Variants in CDADC1 observed in about 807,000 individuals in gnomAD.
CDADC1 encodes dCTP deaminase.
Under a neutral mutation model 54.9 loss-of-function variants are expected in CDADC1, and 39 were observed. The observed-to-expected ratio is 0.71, with a 90% CI of 0.55 to 0.93. The LOEUF is 0.93. CDADC1 is among the 40% of genes least tolerant of loss of function. CDADC1 has a pLI of 0.00. For missense variants in CDADC1, 518 were observed against 618.8 expected, an observed-to-expected ratio of 0.84 and a Z score of 1.73; for synonymous variants, 186 against 204.0, an observed-to-expected ratio of 0.91 and a Z score of 0.75.
chr13:49,277,352 T>C (rs868539228), intron 6 of CDADC1, among the ~76,000 whole-genome samples: 1 of 151,784 alleles, frequency 6.6e-6, no homozygotes, highest in South Asian at 2.1e-4. Flanking sequence ...ACGCCTGTGG[T>C]CCCAGCTACT....
At chr13:49,250,004 T>C (rs979379582) in intron 2 of CDADC1, among the ~76,000 whole-genome samples, 1 of 152,202 alleles carries the variant, frequency 6.6e-6, no homozygotes, top group African/African-American at 2.4e-5. Flanking sequence ...TTTAAGACTT[T>C]TTTTAAAACA....
intron 8 of CDADC1, among the ~76,000 whole-genome samples, chr13:49,284,716 C>G (rs917289170): frequency 6.6e-6 from 1 of 152,222 alleles, no homozygotes; most frequent in African/African-American, 2.4e-5. Context: ...TCCTCCCTTT[C>G]CAGGGACTTT....
At chr13:49,253,344 T>C (rs1471222228) in intron 2 of CDADC1, among the ~76,000 whole-genome samples, 2 of 152,240 alleles carry the variant, frequency 1.3e-5, no homozygotes, top group Non-Finnish European at 2.9e-5. Flanking sequence ...CTTTCTTTAC[T>C]TACATGAGAT....
At chr13:49,277,326 C>T (rs1459207765) in intron 6 of CDADC1, among the ~76,000 whole-genome samples, 1 of 151,772 alleles carries the variant, frequency 6.6e-6, no homozygotes, top group Non-Finnish European at 1.5e-5. Flanking sequence ...AAAAAATTAG[C>T]CAGGCATAGT....
intron 2 of CDADC1, among the ~76,000 whole-genome samples, chr13:49,255,505 C>T (rs1952522646): frequency 6.6e-6 from 1 of 152,210 alleles, no homozygotes; most frequent in Non-Finnish European, 1.5e-5. Context: ...TACCTCTATT[C>T]CACTTTAGTC....
At chr13:49,258,958 A>C (rs1952609179) in intron 3 of CDADC1, among the ~76,000 whole-genome samples, 1 of 152,270 alleles carries the variant, frequency 6.6e-6, no homozygotes, top group East Asian at 1.9e-4. Flanking sequence ...ATCCATGTGT[A>C]AAATCAGGGC....
At position 49,291,169 on chromosome 13, in the gene CDADC1, G is replaced by GTT. The variant is rs1491550723; in HGVS notation, c.1472-515_1472-514insTT. On this transcript the variant is annotated intron_variant, in intron 9 of 9. Transcript: ENST00000251108. ...ACACTGTTGAGTGAATTCAGTTTTT[G>GTT]GTTTTTTTTTTTTTTGAGACAGGGT... Among the ~76,000 whole-genome samples the GTT allele has an allele frequency of 4.5e-4, 14 of 30,836 alleles. No homozygotes were observed. The South Asian group carries it at 0.041, about 91-fold the overall frequency. The allele number at this position is 30,836 out of a possible 152,430, so 20.2% of individuals were successfully genotyped here.
In CDADC1 at chr13:49,292,973, G is replaced by A. The variant is rs533860175; in HGVS notation, c.*1216G>A. On this transcript the variant is annotated 3_prime_UTR_variant, in exon 10 of 10. Transcript: ENST00000251108. ...TGCCAGGGCTGTGACTGCAGCCTGT[G>A]TAGGACCATGGGGAGTTCAGAGTCA... 2.3e-5 allele frequency: 8 copies of A among 349,910 alleles called. No individual in the cohort carries two copies. Among genetic ancestry groups the A allele is most frequent in the South Asian group, 1.7e-4 (7 of 41,620 alleles). 21.7% of individuals were successfully genotyped at this position (349,910 alleles called of 1,614,324 possible). A position where few individuals can be genotyped will look rare whatever the true frequency, so the allele number is the denominator to read the frequency against.
chr13:49,267,244 T>C (rs964415104), intron 4 of CDADC1, among the ~76,000 whole-genome samples: 1 of 152,228 alleles, frequency 6.6e-6, no homozygotes, highest in Non-Finnish European at 1.5e-5. Flanking sequence ...TTCTTTTGAT[T>C]TGTCCAACTA....
At chr13:49,283,097 A>G (rs923665172) in intron 8 of CDADC1, among the ~76,000 whole-genome samples, 16 of 152,220 alleles carry the variant, frequency 1.1e-4, no homozygotes, top group African/African-American at 3.9e-4. Context: ...AACCGTTTAT[A>G]TATTTCAGCT....
chr13:49,260,575 G>A (rs1952656906), intron 4 of CDADC1, among the ~76,000 whole-genome samples: 1 of 152,206 alleles, frequency 6.6e-6, no homozygotes, highest in Non-Finnish European at 1.5e-5. Context: ...CACTTTGGAA[G>A]GAGGAACACA....
In CDADC1 at chr13:49,292,096, T is replaced by C; in HGVS notation, c.*339T>C. On this transcript the variant is annotated 3_prime_UTR_variant, in exon 10 of 10. Transcript: ENST00000251108. ...GGTCTGCTTCACAAGAGGTCATGCCTCTGCAGGGAATCACACACCTTTTGA... is the reference window on the plus strand; with the variant it reads ...GGTCTGCTTCACAAGAGGTCATGCCCCTGCAGGGAATCACACACCTTTTGA... The C allele has an allele frequency of 9.5e-7, 1 of 1,057,078 alleles. No individual in the cohort carries two copies. The highest frequency in any genetic ancestry group is 3.3e-5 in the South Asian group (1 of 30,704). 65.5% of individuals were successfully genotyped at this position (1,057,078 alleles called of 1,614,324 possible).
chr13:49,279,791 G>A (rs2138252340), intron 7 of CDADC1, among the ~76,000 whole-genome samples: 1 of 152,252 alleles, frequency 6.6e-6, no homozygotes, highest in South Asian at 2.1e-4. Context: ...CTCAGAACCC[G>A]GAAGTCAGTC....
intron 9 of CDADC1, among the ~76,000 whole-genome samples, chr13:49,290,563 C>T (rs931951750): frequency 5.3e-5 from 8 of 152,138 alleles, no homozygotes; most frequent in Admixed American, 2.6e-4. Flanking sequence ...GCAGAACATA[C>T]AGGCTCAGGG....
At position 49,292,908 on chromosome 13, in the gene CDADC1, T is replaced by G. The variant is rs761298661; in HGVS notation, c.*1151T>G. ...GGCCTCACTGGGCTTCCTACCAGTT[T>G]CTCAGAATTACACGCACGACCATCC... On this transcript the variant is annotated 3_prime_UTR_variant, in exon 10 of 10. Coordinates refer to ENST00000251108, the MANE Select transcript of CDADC1 (RefSeq NM_030911.4). 4 of 628,108 alleles carry G rather than the reference T, an allele frequency of 6.4e-6. No homozygotes were observed. The highest frequency in any genetic ancestry group is 9.4e-6 in the Non-Finnish European group (4 of 423,350). The allele number at this position is 628,108 out of a possible 1,614,324, so 38.9% of individuals were successfully genotyped here.
intron 6 of CDADC1, among the ~76,000 whole-genome samples, chr13:49,275,363 GGT>G (rs1953077689): frequency 6.6e-6 from 1 of 151,706 alleles, no homozygotes; most frequent in Admixed American, 6.6e-5. Context: ...TGGGATCACA[GGT>G]GTGAGCCACC....
At chr13:49,280,457 A>AACTT in intron 7 of CDADC1, 52 bp from the exon 8 acceptor site, 1 of 933,784 alleles carries the variant, frequency 1.1e-6, no homozygotes, top group Non-Finnish European at 1.5e-6. Context: ...TCTAAAAAAT[A>AACTT]ACTTACCCTT....
intron 5 of CDADC1, among the ~76,000 whole-genome samples, chr13:49,268,768 CATTA>C (rs1238324392): frequency 1.3e-5 from 2 of 152,262 alleles, no homozygotes; most frequent in African/African-American, 4.8e-5. Flanking sequence ...TTTACAATAA[CATTA>C]ATTCAAAATA....
chr13:49,252,281 C>T (rs948880790), intron 2 of CDADC1, among the ~76,000 whole-genome samples: 1 of 152,168 alleles, frequency 6.6e-6, no homozygotes, highest in Admixed American at 6.5e-5. Flanking sequence ...CTGTTCTTAC[C>T]TACAGGGCTT....
Sources: gnomAD v4.1 joint callset for allele counts (sites outside exome capture counted in the v4.1 genomes callset) on GRCh38, gnomAD v4.1.1 for gene constraint, MANE v1.5 for transcripts, NCBI Gene and HGNC (gene_info 2026-07-23, HGNC 2026-07-21) for gene names.